RAB3GAP2: variants seen among roughly 807,000 people sequenced by gnomAD.
The protein encoded by RAB3GAP2 is RAB3 GTPase activating non-catalytic protein subunit 2, also known as rab3 GTPase-activating protein non-catalytic subunit.
In RAB3GAP2, 87 loss-of-function variants were observed where a neutral mutation model predicts 185.3. The ratio of observed to expected loss-of-function variants is 0.47; its 90% confidence interval spans 0.39 to 0.56. The LOEUF is 0.56. Ranked by LOEUF, RAB3GAP2 falls within the 20% of genes least tolerant of loss-of-function variation. The pLI, the probability that RAB3GAP2 is intolerant of heterozygous loss-of-function variation, is 0.00. For missense variants in RAB3GAP2, 1,492 were observed against 1,638.2 expected (o/e 0.91, Z 1.54); for synonymous variants, 554 against 576.1 (o/e 0.96, Z 0.55).
chr1:220,177,169 C>T (rs183468409), intron 21 of RAB3GAP2, among the ~76,000 whole-genome samples: 67 of 152,330 alleles, frequency 4.4e-4, no homozygotes, highest in African/African-American at 1.5e-3. Flanking sequence ...CAGTACCCTC[C>T]TTGGGTCTTC....
rs372015499 is a variant in RAB3GAP2 at position 220,216,023 on chromosome 1, C to G, written c.181-2044G>C. 2.9e-3 allele frequency among the ~76,000 whole-genome samples: 435 copies of G among 152,098 alleles called. 2 individuals carry two copies. The highest frequency in any genetic ancestry group is 9.6e-3 in the African/African-American group (400 of 41,498). On this transcript the variant is annotated intron_variant, in intron 2 of 34. Transcript: ENST00000358951. ...TCATATTTCCAGGAATAAATTATTT[C>G]TTGCTGGGATACCATCAAAGAAATG...
At chr1:220,184,265 G>T in intron 18 of RAB3GAP2, 102 bp from the exon 19 acceptor site, 1 of 1,124,854 alleles carries the variant, frequency 8.9e-7, no homozygotes. Context: ...ATTCCCTGAT[G>T]CTCTGATGTA....
rs557112820 is a variant in RAB3GAP2 at position 220,170,787 on chromosome 1, ATC to A, written c.2806+103_2806+104del. On this transcript the variant is annotated intron_variant, in intron 24 of 34. Transcript: ENST00000358951. ...TATAGAAGGTTATTGTTATTTTTAA[ATC>A]TGAGTGTATTTTTCTTTCTCTATTC... The A allele has an allele frequency of 2.0e-4, 185 of 945,852 alleles. 4 individuals are homozygous for A. In the South Asian group the frequency reaches 2.5e-3, roughly 13 times the overall value. 58.6% of individuals were successfully genotyped at this position (945,852 alleles called of 1,614,324 possible).
chr1:220,253,678 G>A (rs1159269840), intron 1 of RAB3GAP2: 12 of 1,606,260 alleles, frequency 7.5e-6, no homozygotes, highest in Middle Eastern at 2.2e-4. Context: ...TGCCATAAAG[G>A]ACAAACAAGT....
intron 4 of RAB3GAP2, among the ~76,000 whole-genome samples, chr1:220,212,568 A>C (rs1418676193): frequency 1.3e-5 from 2 of 152,036 alleles, no homozygotes; most frequent in African/African-American, 4.8e-5. Flanking sequence ...ATCATAGCTC[A>C]CTGCAGCCTC....
In RAB3GAP2 at chr1:220,190,554, T is replaced by G. The variant is rs1437367188; in HGVS notation, c.1488-34A>C. ...ATCACATACCAATATGGTAAAAATA[T>G]TAGAACAAGGAGAAATGCCAAAAGG... On this transcript the variant is annotated intron_variant, in intron 14 of 34. Coordinates refer to ENST00000358951, the MANE Select transcript of RAB3GAP2 (RefSeq NM_012414.4). 1.9e-6 allele frequency: 3 copies of G among 1,559,436 alleles called. No individual in the cohort carries two copies. In the South Asian group the frequency reaches 3.3e-5, roughly 17 times the overall value.
At chr1:220,268,395 C>A (rs1239533119) in intron 1 of RAB3GAP2, among the ~76,000 whole-genome samples, 2 of 152,190 alleles carry the variant, frequency 1.3e-5, no homozygotes, top group African/African-American at 2.4e-5. Context: ...CATGTAATTT[C>A]TTGAATACAG....
At position 220,195,185 on chromosome 1, in the gene RAB3GAP2, T is replaced by A. The variant is rs73098579; in HGVS notation, c.1041-18A>T. On this transcript the variant is annotated intron_variant, in intron 11 of 34. Coordinates refer to ENST00000358951, the MANE Select transcript of RAB3GAP2 (RefSeq NM_012414.4). The stretch of plus-strand genomic sequence containing the variant: ...GCCAACCACTGAAAAGAAAGAAAAC[T>A]TAGAATATAAAACTGAGCTTCCAGG... 1 of 1,613,458 alleles carries A rather than the reference T, an allele frequency of 6.2e-7. No individual in the cohort carries two copies. Among genetic ancestry groups the A allele is most frequent in the South Asian group, 1.1e-5 (1 of 91,028 alleles).
chr1:220,195,170 G>A lies in RAB3GAP2; in HGVS notation c.1041-3C>T. ...TACTTTTCCAACCAAGCCAACCACT[G>A]AAAAGAAAGAAAACTTAGAATATAA... On this transcript the variant is annotated splice_region_variant and splice_polypyrimidine_tract_variant and intron_variant, in intron 11 of 34. Coordinates refer to ENST00000358951, the MANE Select transcript of RAB3GAP2 (RefSeq NM_012414.4). The A allele has an allele frequency of 6.2e-7, 1 of 1,613,940 alleles. No homozygotes were observed. The highest frequency in any genetic ancestry group is 1.3e-5 in the African/African-American group (1 of 75,030).
chr1:220,206,252 TAAAG>T, intron 7 of RAB3GAP2, among the ~76,000 whole-genome samples: 1 of 152,064 alleles, frequency 6.6e-6, no homozygotes, highest in Non-Finnish European at 1.5e-5. Context: ...TGAGAGTAAA[TAAAG>T]AATTACAATT....
At chr1:220,190,190 TTTTC>T (rs748912272) in intron 15 of RAB3GAP2, 44 bp from the exon 16 acceptor site, 88 of 1,567,852 alleles carry the variant, frequency 5.6e-5, no homozygotes, top group Admixed American at 1.2e-4. Flanking sequence ...TGTGAAATTA[TTTTC>T]TTTCTAATTC....
At chr1:220,223,421 AT>A (rs1659344163) in intron 2 of RAB3GAP2, among the ~76,000 whole-genome samples, 1 of 152,226 alleles carries the variant, frequency 6.6e-6, no homozygotes, top group African/African-American at 2.4e-5. Context: ...TAGAAAAAAA[AT>A]AAGATAATGG....
intron 17 of RAB3GAP2, 152 bp from the exon 18 acceptor site, chr1:220,185,893 T>G: frequency 1.6e-6 from 1 of 633,240 alleles, no homozygotes. Flanking sequence ...AAATCTCAAG[T>G]TGCGTTGTTA....
rs1161555272 is a variant in RAB3GAP2, at chr1:220,172,008, A to G, written c.2458T>C (p.Trp820Arg). The G allele has an allele frequency of 3.1e-6, 5 of 1,614,066 alleles. No individual in the cohort carries two copies. Among genetic ancestry groups the G allele is most frequent in the Non-Finnish European group, 4.2e-6 (5 of 1,180,030 alleles). ...CAGGCTGTGCGCATCTGCTGCCACC[A>G]TGGGGACACAGACTGAGAATCCCAG... ...ETWDSQSVSP[W>R]WQQMRTACIQ... The change falls in exon 23 of 35, where the codon TGG becomes CGG. Residue 820 changes from tryptophan (W) to arginine (R), a missense_variant. Trp to Arg is a moderately radical substitution (Grantham distance 101, BLOSUM62 -3). Around this residue, in one of 5 missense-constraint regions of RAB3GAP2, gnomAD observed 681 missense variants for 689.1 expected, o/e 0.99. Transcript: ENST00000358951.
chr1:220,262,356 A>G (rs1660157556), intron 1 of RAB3GAP2, among the ~76,000 whole-genome samples: 1 of 152,118 alleles, frequency 6.6e-6, no homozygotes, highest in Non-Finnish European at 1.5e-5. Context: ...TTATCAACTT[A>G]ACCATTTCTA....
intron 25 of RAB3GAP2, 49 bp downstream of exon 25, chr1:220,167,453 C>A (rs372949467): frequency 6.2e-7 from 1 of 1,612,698 alleles, no homozygotes; most frequent in Admixed American, 1.7e-5. Context: ...GAACACTTGG[C>A]CACATCTTTC....
At chr1:220,173,083 A>T (rs1658209057) in intron 21 of RAB3GAP2, among the ~76,000 whole-genome samples, 1 of 152,222 alleles carries the variant, frequency 6.6e-6, no homozygotes, top group Admixed American at 6.5e-5. Context: ...ACGAGGTGCC[A>T]CTTGGCTGTA....
intron 13 of RAB3GAP2, among the ~76,000 whole-genome samples, chr1:220,192,532 T>TTA (rs1452263930): frequency 6.6e-6 from 1 of 152,246 alleles, no homozygotes; most frequent in Non-Finnish European, 1.5e-5. Flanking sequence ...CAAGTCTCCC[T>TTA]TATAGTTAGA....
chr1:220,257,775 T>C (rs182760360), intron 1 of RAB3GAP2, among the ~76,000 whole-genome samples: 8 of 151,854 alleles, frequency 5.3e-5, no homozygotes, highest in Admixed American at 3.3e-4. Flanking sequence ...TCAAAAAAAA[T>C]CAATGCATTC....
Sources: gnomAD v4.1 joint callset for allele counts (sites outside exome capture counted in the v4.1 genomes callset) on GRCh38, gnomAD v4.1.1 for gene constraint, gnomAD v4.1.1 regional missense constraint, MANE v1.5 for transcripts, NCBI Gene and HGNC (gene_info 2026-07-23, HGNC 2026-07-21) for gene names.